The following NF1 variants were observed in gnomAD, a reference collection of about 807,000 sequenced individuals.
NF1 encodes neurofibromin.
In NF1, 122 loss-of-function variants were observed where a neutral mutation model predicts 325.7. The ratio of observed to expected loss-of-function variants is 0.37; its 90% CI spans 0.32 to 0.44. NF1 has a LOEUF of 0.44. NF1 is among the 20% of genes least tolerant of loss of function. The pLI is 1.00. For missense variants in NF1, 2,140 were observed against 3,415.4 expected (o/e 0.63, Z 9.31); for synonymous variants, 1,091 against 1,186.0 (o/e 0.92, Z 1.65).
rs1274517950 is a variant in NF1, at chr17:31,265,355, T to C, written c.4835+16T>C. 1 of 1,574,088 alleles carries C rather than the reference T, an allele frequency of 6.4e-7. No individual in the cohort carries two copies. Among genetic ancestry groups the C allele is most frequent in the Non-Finnish European group, 8.7e-7 (1 of 1,144,348 alleles). ...TTGCACGGAGGTAAGAAATACTATG[T>C]TTTGGGTCTCTTAACAGAATTTTTT... On this transcript the variant is annotated intron_variant, in intron 36 of 57. Transcript: ENST00000358273.
chr17:31,318,430 G>A, intron 36 of NF1: 1 of 1,613,974 alleles, frequency 6.2e-7, no homozygotes, highest in Non-Finnish European at 8.5e-7. Flanking sequence ...TCTTTTCCAA[G>A]TGTCTGATTC....
intron 49 of NF1, among the ~76,000 whole-genome samples, 155 bp downstream of exon 49, chr17:31,349,406 T>C (rs1306586738): frequency 6.6e-6 from 1 of 152,210 alleles, no homozygotes; most frequent in Non-Finnish European, 1.5e-5. Context: ...TTGAGAGTTT[T>C]GCCAGAACAT....
chr17:31,280,534 A>AG (rs1316260657), intron 36 of NF1, among the ~76,000 whole-genome samples: 1 of 151,236 alleles, frequency 6.6e-6, no homozygotes, highest in Non-Finnish European at 1.5e-5. Context: ...AAAAAAAAAA[A>AG]AAAAAAGTAA....
chr17:31,288,664 G>A (rs1415692359), intron 36 of NF1, among the ~76,000 whole-genome samples: 3 of 151,836 alleles, frequency 2.0e-5, no homozygotes, highest in Non-Finnish European at 4.4e-5. Flanking sequence ...AGTCTCCTGA[G>A]TAGCTAGGAT....
intron 29 of NF1, among the ~76,000 whole-genome samples, chr17:31,244,256 T>C (rs2067353486): frequency 6.6e-6 from 1 of 152,130 alleles, no homozygotes; most frequent in South Asian, 2.1e-4. Flanking sequence ...CTGTTGGAGC[T>C]ACAAGCTGAG....
At chr17:31,181,385 T>C (rs771577608) in intron 5 of NF1, 37 bp from the exon 6 acceptor site, 5 of 1,555,990 alleles carry the variant, frequency 3.2e-6, no homozygotes, top group East Asian at 2.2e-5. Flanking sequence ...TGTTAACTTA[T>C]TCTAGAGTTA....
chr17:31,348,773 C>G (rs372145432), intron 48 of NF1, among the ~76,000 whole-genome samples: 14 of 150,620 alleles, frequency 9.3e-5, no homozygotes, highest in African/African-American at 2.9e-4. Context: ...CAAATGAAAT[C>G]TTAAGGAGAA....
chr17:31,219,575 T>C (rs1157066698), intron 14 of NF1, among the ~76,000 whole-genome samples: 3 of 152,048 alleles, frequency 2.0e-5, no homozygotes, highest in Non-Finnish European at 2.9e-5. Context: ...GTTGGTGTGC[T>C]GCACCCATTA....
intron 57 of NF1, among the ~76,000 whole-genome samples, chr17:31,363,732 A>G (rs1338094092): frequency 3.4e-5 from 5 of 146,106 alleles, no homozygotes; most frequent in Non-Finnish European, 7.5e-5. Context: ...CACTGCGCCC[A>G]GCATTTTTTT....
In NF1 at chr17:31,340,488, C is replaced by T. The variant is rs1567618892; in HGVS notation, c.6922-17C>T. 5 of 1,614,156 alleles carry T rather than the reference C, an allele frequency of 3.1e-6. No homozygotes were observed. Among genetic ancestry groups the T allele is most frequent in the Non-Finnish European group, 4.2e-6 (5 of 1,179,998 alleles). On this transcript the variant is annotated splice_polypyrimidine_tract_variant and intron_variant, in intron 46 of 57. Coordinates refer to ENST00000358273, the MANE Select transcript of NF1 (RefSeq NM_001042492.3). ...CATGATTCATCTTACTAGCCTCAAA[C>T]ATATCTTCTTTGCCAGGACTCGCCT... is the stretch of plus-strand genomic sequence containing the variant.
In NF1 at chr17:31,097,050, C is replaced by T. The variant is rs996390231; in HGVS notation, c.60+1681C>T. ...TTGAAGGATCCACGCCGCAATTCTC[C>T]TTAAATTTTAAAAATTAAAAATTTT... is the stretch of plus-strand genomic sequence containing the variant. On this transcript the variant is annotated intron_variant, in intron 1 of 57. Transcript: ENST00000358273. 3.7e-4 allele frequency among the ~76,000 whole-genome samples: 57 copies of T among 152,270 alleles called. 1 individual carries two copies. The highest frequency in any genetic ancestry group is 1.4e-3 in the African/African-American group (57 of 41,550).
chr17:31,181,902 A>G (rs545522956), intron 7 of NF1, 117 bp downstream of exon 7: 4 of 746,154 alleles, frequency 5.4e-6, no homozygotes, highest in Admixed American at 2.4e-5. Flanking sequence ...TACATCTTCT[A>G]TTGTCAACTG....
chr17:31,129,583 C>A (rs770127972), intron 1 of NF1, among the ~76,000 whole-genome samples: 8 of 151,690 alleles, frequency 5.3e-5, no homozygotes, highest in Non-Finnish European at 8.8e-5. Context: ...GTGCCTGCCA[C>A]TACACCCATC....
intron 57 of NF1, among the ~76,000 whole-genome samples, chr17:31,370,536 G>A (rs533617427): frequency 2.0e-5 from 3 of 152,114 alleles, no homozygotes; most frequent in South Asian, 4.2e-4. Context: ...GAGGTTTGAC[G>A]GTTATTTGCT....
intron 5 of NF1, among the ~76,000 whole-genome samples, chr17:31,179,533 G>C (rs1290280708): frequency 6.6e-6 from 1 of 152,148 alleles, no homozygotes; most frequent in East Asian, 1.9e-4. Context: ...GAAGGAGATA[G>C]AGACACGAAA....
At chr17:31,236,326 A>G (rs1180037482) in intron 29 of NF1, among the ~76,000 whole-genome samples, 1 of 152,158 alleles carries the variant, frequency 6.6e-6, no homozygotes, top group Non-Finnish European at 1.5e-5. Context: ...ACATATTCAT[A>G]TGCAGTCACT....
intron 29 of NF1, among the ~76,000 whole-genome samples, chr17:31,242,914 G>C (rs2067324728): frequency 1.3e-5 from 2 of 152,306 alleles, no homozygotes; most frequent in East Asian, 3.9e-4. Flanking sequence ...GTCTGGGCTT[G>C]TTTGTACCCA....
intron 5 of NF1, among the ~76,000 whole-genome samples, chr17:31,170,848 G>A (rs1269405171): frequency 6.6e-6 from 1 of 152,046 alleles, no homozygotes; most frequent in Non-Finnish European, 1.5e-5. Flanking sequence ...ACAAAAAAAT[G>A]TTTTTTAGTT....
chr17:31,099,774 T>C (rs1912135200), intron 1 of NF1, among the ~76,000 whole-genome samples: 1 of 151,956 alleles, frequency 6.6e-6, no homozygotes, highest in East Asian at 1.9e-4. Flanking sequence ...TTGGCCAGGC[T>C]GGTCTCCAAC....
Sources: allele counts gnomAD v4.1 joint callset (sites outside exome capture counted in the v4.1 genomes callset), GRCh38; gene constraint gnomAD v4.1.1; transcripts MANE v1.5; gene names NCBI Gene and HGNC (gene_info 2026-07-23, HGNC 2026-07-21).